The following QTMAN variants were observed in gnomAD, a reference collection of about 807,000 sequenced individuals.
QTMAN encodes queuosine-tRNA mannosyltransferase.
the QTMAN span, among the ~76,000 whole-genome samples, chr2:144,257,267 A>C: frequency 4.6e-5 from 7 of 152,152 alleles, no homozygotes; most frequent in Admixed American, 3.9e-4. Flanking sequence ...AGCAGAATAA[A>C]GATTTCCCTA....
the QTMAN span, among the ~76,000 whole-genome samples, chr2:144,255,183 G>A: frequency 2.0e-5 from 3 of 152,140 alleles, no homozygotes; most frequent in Non-Finnish European, 4.4e-5. Flanking sequence ...GGAGGGGCCA[G>A]GGGCAAAATG....
At chr2:144,172,897 T>C in the QTMAN span, among the ~76,000 whole-genome samples, 1 of 151,732 alleles carries the variant, frequency 6.6e-6, no homozygotes, top group Non-Finnish European at 1.5e-5. Context: ...GGGTGGGGGG[T>C]AACCTAATGC....
At chr2:144,300,599 T>C in the QTMAN span, among the ~76,000 whole-genome samples, 1 of 152,146 alleles carries the variant, frequency 6.6e-6, no homozygotes. Flanking sequence ...CCATAACATG[T>C]CTAAACTAAA....
At chr2:144,145,568 C>G in the QTMAN span, 15 of 1,601,390 alleles carry the variant, frequency 9.4e-6, no homozygotes, top group East Asian at 6.7e-5. Context: ...CAATCCATAC[C>G]TACCATGAAA....
At chr2:144,078,869 C>A in the QTMAN span, among the ~76,000 whole-genome samples, 6 of 152,142 alleles carry the variant, frequency 3.9e-5, no homozygotes, top group Non-Finnish European at 8.8e-5. Flanking sequence ...CAACCCCCTT[C>A]CCAAGGGGTG....
At chr2:144,028,169 C>T in the QTMAN span, among the ~76,000 whole-genome samples, 1 of 152,108 alleles carries the variant, frequency 6.6e-6, no homozygotes, top group Non-Finnish European at 1.5e-5. Flanking sequence ...ACAGAGCAAC[C>T]ACACCACTCT....
chr2:144,319,108 G>A, the QTMAN span, among the ~76,000 whole-genome samples: 1 of 152,114 alleles, frequency 6.6e-6, no homozygotes, highest in South Asian at 2.1e-4. Flanking sequence ...TAATTTAGTT[G>A]ATAGGTCTAA....
chr2:144,047,486 C>T, the QTMAN span, among the ~76,000 whole-genome samples: 10 of 152,108 alleles, frequency 6.6e-5, no homozygotes, highest in East Asian at 1.9e-3. Flanking sequence ...GACAAGGCAT[C>T]AGGATTCCTT....
the QTMAN span, among the ~76,000 whole-genome samples, chr2:144,318,699 C>A: frequency 1.3e-5 from 2 of 152,142 alleles, no homozygotes; most frequent in East Asian, 1.9e-4. Flanking sequence ...AATAGTATAT[C>A]CTTTGAATAA....
the QTMAN span, among the ~76,000 whole-genome samples, chr2:144,184,641 A>G: frequency 3.3e-5 from 5 of 152,136 alleles, no homozygotes; most frequent in African/African-American, 4.8e-5. Context: ...TTTACTACCA[A>G]TTACAGAAGG....
At chr2:144,121,017 T>A in the QTMAN span, among the ~76,000 whole-genome samples, 1 of 152,198 alleles carries the variant, frequency 6.6e-6, no homozygotes, top group South Asian at 2.1e-4. Flanking sequence ...TTCCTTTCAA[T>A]CATTTAAAGG....
chr2:144,327,650 G>T, the QTMAN span, among the ~76,000 whole-genome samples: 2 of 152,132 alleles, frequency 1.3e-5, no homozygotes, highest in East Asian at 3.9e-4. Flanking sequence ...ATGGAGCCTA[G>T]ATCTCAGTAT....
At chr2:144,177,439 T>A in the QTMAN span, among the ~76,000 whole-genome samples, 7 of 152,090 alleles carry the variant, frequency 4.6e-5, no homozygotes, top group African/African-American at 1.7e-4. Context: ...ATATAAAGTA[T>A]AATACTAGTT....
the QTMAN span, chr2:143,957,415 C>T: frequency 1.1e-6 from 1 of 889,276 alleles, no homozygotes; most frequent in South Asian, 3.5e-5. Flanking sequence ...AGTGTCTCAT[C>T]TGAAGTTCAG....
the QTMAN span, among the ~76,000 whole-genome samples, chr2:144,020,800 T>C: frequency 7.9e-5 from 12 of 151,696 alleles, no homozygotes; most frequent in South Asian, 2.5e-3. Context: ...AAAAAACCTA[T>C]AAGAAATATT....
chr2:144,227,102 T>C, the QTMAN span, among the ~76,000 whole-genome samples: 1 of 152,200 alleles, frequency 6.6e-6, no homozygotes, highest in Non-Finnish European at 1.5e-5. Flanking sequence ...ATGCAAAATC[T>C]GCTTTAATAT....
the QTMAN span, among the ~76,000 whole-genome samples, chr2:144,331,966 G>A: frequency 6.6e-6 from 1 of 152,194 alleles, no homozygotes; most frequent in Non-Finnish European, 1.5e-5. Context: ...CGGGCAGCCT[G>A]GTGGTCGGCG....
chr2:144,133,471 TTATATAA>T, the QTMAN span, among the ~76,000 whole-genome samples: 3 of 65,954 alleles, frequency 4.5e-5, no homozygotes, highest in Non-Finnish European at 7.9e-5. Flanking sequence ...ATATTATATA[TTATATAA>T]TATATAAAAT....
the QTMAN span, among the ~76,000 whole-genome samples, chr2:144,326,221 AC>A: frequency 6.6e-6 from 1 of 152,184 alleles, no homozygotes; most frequent in African/African-American, 2.4e-5. Flanking sequence ...AAATTATATA[AC>A]TTTTCTTCTT....
Sources: gnomAD v4.1 joint callset for allele counts (sites outside exome capture counted in the v4.1 genomes callset) on GRCh38, gnomAD v4.1.1 for gene constraint, MANE v1.5 for transcripts, NCBI Gene and HGNC (gene_info 2026-07-23, HGNC 2026-07-21) for gene names.